BCAS3: variants seen among roughly 807,000 people sequenced by gnomAD.
BCAS3 encodes BCAS3 microtubule associated cell migration factor, also known as BCAS4/BCAS3 fusion.
A neutral mutation model predicts 116.1 loss-of-function variants in BCAS3; 53 were observed. The observed-to-expected ratio is 0.46, with a 90% CI of 0.37 to 0.57. BCAS3 has a LOEUF of 0.57. Ranked by LOEUF, BCAS3 falls within the 20% of genes least tolerant of loss-of-function variation. The pLI, the probability that BCAS3 is intolerant of heterozygous loss-of-function variation, is 0.00. For synonymous variants in BCAS3, 391 were observed against 408.2 expected, an observed-to-expected ratio of 0.96 and a Z score of 0.51; for missense variants, 917 against 1,165.4, an observed-to-expected ratio of 0.79 and a Z score of 3.10.
intron 4 of BCAS3, among the ~76,000 whole-genome samples, chr17:60,694,903 C>T (rs1203927241): frequency 6.6e-6 from 1 of 152,098 alleles, no homozygotes; most frequent in Non-Finnish European, 1.5e-5. Context: ...GTCTCTACCT[C>T]CTCCCAGCCC....
At chr17:60,949,901 A>AT (rs1158608599) in intron 14 of BCAS3, among the ~76,000 whole-genome samples, 2 of 152,216 alleles carry the variant, frequency 1.3e-5, no homozygotes, top group Admixed American at 1.3e-4. Flanking sequence ...GAAGTTCTAC[A>AT]TTACAAATAT....
At chr17:61,328,671 G>A (rs1378879345) in intron 22 of BCAS3, among the ~76,000 whole-genome samples, 1 of 152,094 alleles carries the variant, frequency 6.6e-6, no homozygotes, top group Admixed American at 6.6e-5. Flanking sequence ...AGGCTGAAGT[G>A]GGAGGATCAC....
At chr17:61,172,063 A>T (rs575031904) in intron 22 of BCAS3, among the ~76,000 whole-genome samples, 54 of 152,340 alleles carry the variant, frequency 3.5e-4, no homozygotes, top group African/African-American at 1.3e-3. Flanking sequence ...AGAACATATC[A>T]GTTCTGAATG....
chr17:60,946,556 A>G (rs2060508317), intron 13 of BCAS3, among the ~76,000 whole-genome samples: 1 of 152,116 alleles, frequency 6.6e-6, no homozygotes, highest in Non-Finnish European at 1.5e-5. Flanking sequence ...TTAAAGCTTG[A>G]AGAAATTGCA....
At chr17:60,877,851 C>A (rs937884581) in intron 9 of BCAS3, among the ~76,000 whole-genome samples, 1 of 152,080 alleles carries the variant, frequency 6.6e-6, no homozygotes, top group South Asian at 2.1e-4. Context: ...TCCTTAAAAT[C>A]TATTTAGTGT....
rs749350329 is a variant in BCAS3 at position 61,040,922 on chromosome 17, C to T, written c.2029+30C>T. On this transcript the variant is annotated intron_variant, in intron 19 of 23. Coordinates refer to ENST00000407086, the MANE Select transcript of BCAS3 (RefSeq NM_017679.5). ...GTAGTTCAGATTTTTTTTTTCCTTT[C>T]GTATGGTCTATTCAGATTTCATCTT... 9.7e-6 allele frequency: 15 copies of T among 1,546,684 alleles called. No individual in the cohort carries two copies. In the African/African-American group the frequency reaches 1.4e-4, roughly 14 times the overall value.
In BCAS3 at chr17:61,249,494, G is replaced by A. The variant is rs1181810915; in HGVS notation, c.2426-118833G>A. On this transcript the variant is annotated intron_variant, in intron 22 of 23. Transcript: ENST00000407086. This position sits in a 1 kb window ranked among gnomAD's most constrained non-coding sequence, Gnocchi z 6.2. The stretch of plus-strand genomic sequence containing the variant: ...CATGAAACACACCCAAAACTATATT[G>A]CTAAAATCTGAAGGAGAGAGATCTC... Among the ~76,000 whole-genome samples the A allele has an allele frequency of 6.6e-6, 1 of 152,086 alleles. No homozygotes were observed. The highest frequency in any genetic ancestry group is 1.5e-5 in the Non-Finnish European group (1 of 68,028).
intron 22 of BCAS3, among the ~76,000 whole-genome samples, chr17:61,242,360 T>C (rs2047599993): frequency 6.6e-6 from 1 of 152,136 alleles, no homozygotes. Flanking sequence ...AGATGTGTGC[T>C]GGTTAGCCCT....
intron 6 of BCAS3, among the ~76,000 whole-genome samples, chr17:60,778,408 A>C (rs950475560): frequency 6.6e-6 from 1 of 152,108 alleles, no homozygotes; most frequent in African/African-American, 2.4e-5. Flanking sequence ...GCTTGTTTCA[A>C]TTTGTGGTGC....
Position 61,345,514 on chromosome 17 carries a change from G to A in BCAS3, c.2426-22813G>A, listed in dbSNP as rs184034177. On this transcript the variant is annotated intron_variant, in intron 22 of 23. Transcript: ENST00000407086. ...CCCATGGAAAAATGAAGGAGGGAGG[G>A]AGGAAGGAAGGGAAAGAAGGAGGGT... Among the ~76,000 whole-genome samples, 586 of 152,008 alleles carry A rather than the reference G, an allele frequency of 3.9e-3. 24 individuals are homozygous for A. Among genetic ancestry groups the A allele is most frequent in the Admixed American group, 0.036 (555 of 15,238 alleles).
intron 6 of BCAS3, among the ~76,000 whole-genome samples, chr17:60,774,487 T>C (rs1378243409): frequency 6.6e-6 from 1 of 152,250 alleles, no homozygotes; most frequent in Admixed American, 6.5e-5. Context: ...TTTGCATGAC[T>C]TAAAATTTTT....
intron 5 of BCAS3, among the ~76,000 whole-genome samples, chr17:60,715,861 T>C (rs1268469324): frequency 6.6e-6 from 1 of 151,980 alleles, no homozygotes; most frequent in East Asian, 1.9e-4. Flanking sequence ...AAGTTATTTT[T>C]TATTTTATTT....
At chr17:61,067,273 GTATATA>G (rs1199603635) in intron 19 of BCAS3, among the ~76,000 whole-genome samples, 687 of 58,804 alleles carry the variant, frequency 0.012, 26 homozygotes, top group Middle Eastern at 0.075. Context: ...GTGTGTATGT[GTATATA>G]TATATATATA....
intron 22 of BCAS3, among the ~76,000 whole-genome samples, chr17:61,137,629 C>T (rs1312477308): frequency 2.0e-5 from 3 of 152,128 alleles, no homozygotes; most frequent in Non-Finnish European, 2.9e-5. Flanking sequence ...GTTAGCTGGG[C>T]GTGGTGGCAC....
At chr17:61,148,850 G>T (rs1404331029) in intron 22 of BCAS3, among the ~76,000 whole-genome samples, 1 of 152,170 alleles carries the variant, frequency 6.6e-6, no homozygotes, top group Non-Finnish European at 1.5e-5. Context: ...GTACTGTTTG[G>T]TTAAAGCCAG....
Position 61,380,505 on chromosome 17 carries a change from G to A in BCAS3, c.2594-11472G>A. On this transcript the variant is annotated intron_variant, in intron 23 of 23. Coordinates refer to ENST00000407086, the MANE Select transcript of BCAS3 (RefSeq NM_017679.5). The surrounding 1 kb of genome is among the most constrained non-coding windows in gnomAD (Gnocchi z 4.2). ...AAAGGAATATTTTATTTTCAATACA[G>A]ACACAGCCCTTGACGTAGCAGTAAA... 6.3e-7 allele frequency: 1 copy of A among 1,597,370 alleles called. No individual in the cohort carries two copies.
rs1198586301 is a variant in BCAS3 at position 61,349,398 on chromosome 17, G to A, written c.2426-18929G>A. Among the ~76,000 whole-genome samples the A allele has an allele frequency of 1.3e-5, 2 of 152,186 alleles. No homozygotes were observed. Among genetic ancestry groups the A allele is most frequent in the Non-Finnish European group, 2.9e-5 (2 of 68,040 alleles). On this transcript the variant is annotated intron_variant, in intron 22 of 23. Transcript: ENST00000407086. This position sits in a 1 kb window ranked among gnomAD's most constrained non-coding sequence, Gnocchi z 4.7. ...CATGAATCCCTCAGATGTGTGGGATGGAAATGCTAACCCACTGACCGAACA... is the reference window on the plus strand; with the variant it reads ...CATGAATCCCTCAGATGTGTGGGATAGAAATGCTAACCCACTGACCGAACA...
chr17:61,006,094 A>G (rs982919591), intron 15 of BCAS3, among the ~76,000 whole-genome samples: 2 of 151,912 alleles, frequency 1.3e-5, no homozygotes, highest in Admixed American at 6.6e-5. Flanking sequence ...GATGATTTCC[A>G]ATTTCATCCA....
At chr17:61,172,477 C>CA (rs529696272) in intron 22 of BCAS3, among the ~76,000 whole-genome samples, 244 of 147,038 alleles carry the variant, frequency 1.7e-3, no homozygotes, top group Middle Eastern at 3.7e-3. Context: ...ACTAAAAATA[C>CA]AAAAAAATAA....
Sources: gnomAD v4.1 joint callset for allele counts (sites outside exome capture counted in the v4.1 genomes callset) on GRCh38, gnomAD v4.1.1 for gene constraint, Gnocchi (gnomAD v3.1) non-coding constraint, MANE v1.5 for transcripts, NCBI Gene and HGNC (gene_info 2026-07-23, HGNC 2026-07-21) for gene names.